The following SLC26A3 variants were observed in gnomAD, a reference collection of about 807,000 sequenced individuals.
SLC26A3 encodes the protein chloride anion exchanger.
Under a neutral mutation model 85.6 loss-of-function variants are expected in SLC26A3, and 64 were observed. The observed-to-expected ratio is 0.75, with a 90% CI of 0.61 to 0.92. SLC26A3 has a LOEUF of 0.92. Among genes scored for constraint, SLC26A3 ranks in the 40% least tolerant of loss-of-function variants. The probability of loss-of-function intolerance (pLI) is 0.00; values close to 1 mark genes in which losing one functional copy is unlikely to be tolerated. For synonymous variants in SLC26A3, 349 were observed against 336.0 expected (o/e 1.04, Z -0.42); for missense variants, 922 against 927.3 (o/e 0.99, Z 0.07).
chr7:107,774,290 G>T, intron 16 of SLC26A3, 137 bp from the exon 17 acceptor site: 1 of 745,738 alleles, frequency 1.3e-6, no homozygotes, highest in Non-Finnish European at 2.4e-6. Flanking sequence ...GGTGGCTCAT[G>T]CCTGTCATCC....
At chr7:107,791,264 G>C (rs866007692) in intron 4 of SLC26A3, 29 bp from the exon 5 acceptor site, 1 of 1,599,784 alleles carries the variant, frequency 6.3e-7, no homozygotes, top group Non-Finnish European at 8.6e-7. Flanking sequence ...ATCGTGGTCA[G>C]TATATGCCTC....
chr7:107,784,679 G>A (rs753993412), intron 8 of SLC26A3, among the ~76,000 whole-genome samples: 9 of 152,142 alleles, frequency 5.9e-5, no homozygotes, highest in Non-Finnish European at 1.0e-4. Flanking sequence ...TGATTCACCC[G>A]CCTCGACCTC....
At chr7:107,784,415 A>G (rs1000341640) in intron 8 of SLC26A3, among the ~76,000 whole-genome samples, 3 of 152,152 alleles carry the variant, frequency 2.0e-5, no homozygotes, top group East Asian at 1.9e-4. Context: ...CCAAGTCACA[A>G]TTTCCTCATT....
intron 15 of SLC26A3, among the ~76,000 whole-genome samples, chr7:107,775,501 G>T (rs1451450655): frequency 2.6e-5 from 4 of 151,988 alleles, no homozygotes; most frequent in Non-Finnish European, 5.9e-5. Context: ...GAGGTGGGAG[G>T]ATTGCGTGAG....
chr7:107,797,440 GC>G (rs1794526165), intron 1 of SLC26A3, among the ~76,000 whole-genome samples: 1 of 152,122 alleles, frequency 6.6e-6, no homozygotes, highest in Non-Finnish European at 1.5e-5. Flanking sequence ...GTTGCAGTGA[GC>G]TGAGATCATG....
Position 107,786,919 on chromosome 7 carries a change from T to G in SLC26A3, c.889-10A>C. The G allele has an allele frequency of 6.2e-7, 1 of 1,612,502 alleles. No individual in the cohort carries two copies. Among genetic ancestry groups the G allele is most frequent in the African/African-American group, 1.3e-5 (1 of 75,012 alleles). ...CTGCTGCAATCACGGTCTGCAAAGT[T>G]GCAAATGGCCCAAGTTAGAAATGTG... On this transcript the variant is annotated splice_polypyrimidine_tract_variant and intron_variant, in intron 7 of 20. Transcript: ENST00000340010.
In SLC26A3 at chr7:107,776,658, CT is replaced by C. The variant is rs1365470411; in HGVS notation, c.1562del (p.Lys521ArgfsTer15). 2 of 1,613,580 alleles carry C rather than the reference CT, an allele frequency of 1.2e-6. No homozygotes were observed. The highest frequency in any genetic ancestry group is 1.7e-6 in the Non-Finnish European group (2 of 1,179,750). On this transcript the variant is annotated frameshift_variant, in exon 14 of 21. Coordinates refer to ENST00000340010, the MANE Select transcript of SLC26A3 (RefSeq NM_000111.3). LOFTEE classifies it high-confidence loss of function. ...LANIGRTNIY[K>X]NKKDYYDMYE... ...TTACATCATAATAATCTTTTTTATTCTTATAGATGTTGGTTCTTCCAATATT... is the reference window on the plus strand; with the variant it reads ...TTACATCATAATAATCTTTTTTATTCTATAGATGTTGGTTCTTCCAATATT...
chr7:107,790,935 G>C, intron 5 of SLC26A3, 113 bp downstream of exon 5: 1 of 1,161,822 alleles, frequency 8.6e-7, no homozygotes, highest in Admixed American at 2.0e-5. Context: ...ATGAGGGAGA[G>C]ACAAACCAAA....
chr7:107,800,978 A>C (rs1360807678), intron 1 of SLC26A3, among the ~76,000 whole-genome samples: 1 of 152,260 alleles, frequency 6.6e-6, no homozygotes. Flanking sequence ...CTAAACCATT[A>C]GAGAAATGTT....
rs1268951413 is a variant in SLC26A3 at position 107,773,961 on chromosome 7, C to T, written c.1966G>A (p.Val656Met). 6.2e-7 allele frequency: 1 copy of T among 1,614,138 alleles called. No individual in the cohort carries two copies. Among genetic ancestry groups the T allele is most frequent in the Non-Finnish European group, 8.5e-7 (1 of 1,179,988 alleles). Residue 656 changes from valine (V) to methionine (M), a missense_variant, in exon 17 of 21, where the codon GTG becomes ATG. Physicochemically the swap from Val to Met is conservative, Grantham distance 21. Coordinates refer to ENST00000340010, the MANE Select transcript of SLC26A3 (RefSeq NM_000111.3). Reference sequence around the variant, plus strand: ...ACTGAAGAAACATCAAGAAAGGACACTGCTGAAAAGTCAAGAATGAGGCTG... The same window carrying T: ...ACTGAAGAAACATCAAGAAAGGACATTGCTGAAAAGTCAAGAATGAGGCTG... ...LHSLILDFSA[V>M]SFLDVSSVRG...
rs764785309 is a variant in SLC26A3, at chr7:107,791,014, T to C, written c.570+34A>G. ...ATGTGTAACAGTCAAGATGAACAGA[T>C]TGAGGTGGGCAAGTTACATGAGAAG... On this transcript the variant is annotated intron_variant, in intron 5 of 20. Coordinates refer to ENST00000340010, the MANE Select transcript of SLC26A3 (RefSeq NM_000111.3). The C allele has an allele frequency of 3.7e-6, 6 of 1,606,644 alleles. No individual in the cohort carries two copies. The South Asian group carries it at 4.4e-5, about 12-fold the overall frequency.
At chr7:107,781,828 G>A (rs1261208049) in intron 11 of SLC26A3, among the ~76,000 whole-genome samples, 1 of 152,030 alleles carries the variant, frequency 6.6e-6, no homozygotes, top group Admixed American at 6.5e-5. Flanking sequence ...AGACATTTGT[G>A]GGCTGTATCA....
intron 12 of SLC26A3, among the ~76,000 whole-genome samples, chr7:107,778,593 A>G (rs755172016): frequency 1.7e-4 from 26 of 152,034 alleles, no homozygotes; most frequent in Non-Finnish European, 2.8e-4. Context: ...CCCATCTCCA[A>G]CTCATTTAGG....
chr7:107,768,730 A>G (rs951672217), intron 18 of SLC26A3, among the ~76,000 whole-genome samples: 5 of 152,196 alleles, frequency 3.3e-5, no homozygotes, highest in African/African-American at 1.2e-4. Flanking sequence ...GTACTATGAA[A>G]ATTCTGAGAA....
At chr7:107,772,313 C>T (rs193264789) in intron 17 of SLC26A3, among the ~76,000 whole-genome samples, 1 of 152,228 alleles carries the variant, frequency 6.6e-6, no homozygotes, top group East Asian at 1.9e-4. Flanking sequence ...AACCCTTCTC[C>T]TCAGTAAGAA....
intron 14 of SLC26A3, 43 bp from the exon 15 acceptor site, chr7:107,776,587 C>T: frequency 1.9e-6 from 3 of 1,606,596 alleles, no homozygotes; most frequent in South Asian, 2.2e-5. Context: ...CCATTAGATC[C>T]ATAGTTAATA....
intron 11 of SLC26A3, among the ~76,000 whole-genome samples, chr7:107,782,165 A>G (rs191960128): frequency 6.6e-6 from 1 of 152,160 alleles, no homozygotes; most frequent in Non-Finnish European, 1.5e-5. Context: ...ACAAGGAACA[A>G]TGTATTTACT....
chr7:107,765,671 C>G lies in SLC26A3; in HGVS notation c.*184G>C. On this transcript the variant is annotated 3_prime_UTR_variant, in exon 21 of 21. Coordinates refer to ENST00000340010, the MANE Select transcript of SLC26A3 (RefSeq NM_000111.3). Reference sequence around the variant, plus strand: ...GCTACAAGATATAAAATTTAGAATACTTATATAATTTCATACTAGATATGT... The same window carrying G: ...GCTACAAGATATAAAATTTAGAATAGTTATATAATTTCATACTAGATATGT... 1 of 534,956 alleles carries G rather than the reference C, an allele frequency of 1.9e-6. No individual in the cohort carries two copies. The highest frequency in any genetic ancestry group is 3.3e-5 in the Admixed American group (1 of 30,674). 33.1% of individuals were successfully genotyped at this position (534,956 alleles called of 1,614,324 possible).
intron 13 of SLC26A3, among the ~76,000 whole-genome samples, chr7:107,777,952 C>A (rs1399916238): frequency 6.6e-6 from 1 of 152,204 alleles, no homozygotes; most frequent in African/African-American, 2.4e-5. Context: ...CAGAAGCAGA[C>A]CAACAGCAAG....
Sources: allele counts gnomAD v4.1 joint callset (sites outside exome capture counted in the v4.1 genomes callset), GRCh38; gene constraint gnomAD v4.1.1; transcripts MANE v1.5; gene names NCBI Gene and HGNC (gene_info 2026-07-23, HGNC 2026-07-21).